Variants in IGF2BP2 observed in about 807,000 individuals in gnomAD.
IGF2BP2 encodes the protein insulin-like growth factor 2 mRNA-binding protein 2.
IGF2BP2 carries 17 observed loss-of-function variants against 75.8 expected under a neutral mutation model. The observed-to-expected ratio is 0.22, with a 90% CI of 0.15 to 0.34. The LOEUF (loss-of-function observed/expected upper bound fraction) is 0.34, where lower values mean the gene tolerates loss of function less well. IGF2BP2 is among the 10% of genes least tolerant of loss of function. The pLI, the probability that IGF2BP2 is intolerant of heterozygous loss-of-function variation, is 1.00. For missense variants in IGF2BP2, 516 were observed against 772.4 expected (o/e 0.67, Z 3.93); for synonymous variants, 288 against 295.6 (o/e 0.97, Z 0.26).
intron 2 of IGF2BP2, among the ~76,000 whole-genome samples, chr3:185,731,185 G>A (rs1024172261): frequency 1.3e-5 from 2 of 151,414 alleles, no homozygotes; most frequent in Non-Finnish European, 1.5e-5. Context: ...AATCACTGCT[G>A]TACAGAATGG....
At chr3:185,730,884 T>TGTTGGG (rs1728073915) in intron 2 of IGF2BP2, among the ~76,000 whole-genome samples, 2 of 152,194 alleles carry the variant, frequency 1.3e-5, no homozygotes, top group Admixed American at 1.3e-4. Context: ...CCCCAACATC[T>TGTTGGG]GTTGTTTTTT....
intron 10 of IGF2BP2, among the ~76,000 whole-genome samples, chr3:185,660,650 CAA>C (rs2149118094): frequency 6.6e-6 from 1 of 152,262 alleles, no homozygotes; most frequent in Non-Finnish European, 1.5e-5. Flanking sequence ...TTGGCAAGCT[CAA>C]GTTTTGCAGG....
intron 12 of IGF2BP2, among the ~76,000 whole-genome samples, chr3:185,653,893 G>A (rs1015552404): frequency 5.9e-5 from 9 of 152,154 alleles, no homozygotes; most frequent in Admixed American, 1.3e-4. Flanking sequence ...ATTTACCCTC[G>A]GTGTTGCATT....
At chr3:185,823,256 A>C in intron 1 of IGF2BP2, 43 bp from the exon 2 acceptor site, 70 of 1,508,318 alleles carry the variant, frequency 4.6e-5, no homozygotes, top group Non-Finnish European at 5.6e-5. Flanking sequence ...TGCTTAGATC[A>C]AGCCCGCGGG....
At chr3:185,702,837 C>T (rs1723501053) in intron 2 of IGF2BP2, among the ~76,000 whole-genome samples, 1 of 152,188 alleles carries the variant, frequency 6.6e-6, no homozygotes, top group African/African-American at 2.4e-5. Flanking sequence ...CCTCAGCTCA[C>T]CCTCAAACAG....
chr3:185,689,010 A>C, intron 6 of IGF2BP2: 1 of 193,094 alleles, frequency 5.2e-6, no homozygotes, highest in Non-Finnish European at 1.1e-5. Flanking sequence ...ACTCAGGGGA[A>C]GAGGAAGAGC....
At position 185,796,321 on chromosome 3, in the gene IGF2BP2, G is replaced by C. The variant is rs892593191; in HGVS notation, c.239+26832C>G. 5.9e-5 allele frequency among the ~76,000 whole-genome samples: 9 copies of C among 152,090 alleles called. No individual in the cohort carries two copies. In the East Asian group the frequency reaches 1.7e-3, roughly 29 times the overall value. ...CTCACGCCTGTAATCCCAGTACTTTGGGAGGACGAGGAGGGCGGATCACTT... is the reference window on the plus strand; with the variant it reads ...CTCACGCCTGTAATCCCAGTACTTTCGGAGGACGAGGAGGGCGGATCACTT... On this transcript the variant is annotated intron_variant, in intron 2 of 15. Coordinates refer to ENST00000382199, the MANE Select transcript of IGF2BP2 (RefSeq NM_006548.6).
In IGF2BP2 at chr3:185,645,630, C is replaced by G. The variant is rs1199891239; in HGVS notation, c.1708-7G>C. 6.2e-7 allele frequency: 1 copy of G among 1,612,284 alleles called. No homozygotes were observed. Among genetic ancestry groups the G allele is most frequent in the South Asian group, 1.1e-5 (1 of 91,026 alleles). On this transcript the variant is annotated splice_region_variant and splice_polypyrimidine_tract_variant and intron_variant, in intron 15 of 15. Coordinates refer to ENST00000382199, the MANE Select transcript of IGF2BP2 (RefSeq NM_006548.6). This position sits in a 1 kb window ranked among gnomAD's most constrained non-coding sequence, Gnocchi z 4.9. The stretch of plus-strand genomic sequence containing the variant: ...TGATCTTGCGCTGTGCAGTCTGCAG[C>G]AAGGGAGAGAAGGGAGAGGAAGGGA...
At chr3:185,722,050 C>T in intron 2 of IGF2BP2, 1 of 279,568 alleles carries the variant, frequency 3.6e-6, no homozygotes, top group Admixed American at 5.0e-5. Context: ...ACGGGATCTT[C>T]CTGCCTTAGT....
chr3:185,770,125 T>G (rs977721213), intron 2 of IGF2BP2, among the ~76,000 whole-genome samples: 10 of 152,110 alleles, frequency 6.6e-5, no homozygotes, highest in Non-Finnish European at 1.2e-4. Flanking sequence ...GAAGCAGAAC[T>G]GGGGGATGGT....
In IGF2BP2 at chr3:185,772,579, T is replaced by C. The variant is rs867229254; in HGVS notation, c.239+50574A>G. Among the ~76,000 whole-genome samples, 48 of 103,390 alleles carry C rather than the reference T, an allele frequency of 4.6e-4. 1 individual carries two copies. Among genetic ancestry groups the C allele is most frequent in the Non-Finnish European group, 7.0e-4 (38 of 54,208 alleles). 67.8% of individuals were successfully genotyped at this position (103,390 alleles called of 152,430 possible). ...ACTCCTTTTCTTCCCTTCTCTCTCTTTTTTTTTTTTTTTTTTTTTTGAGAC... is the reference window on the plus strand; with the variant it reads ...ACTCCTTTTCTTCCCTTCTCTCTCTCTTTTTTTTTTTTTTTTTTTTGAGAC... On this transcript the variant is annotated intron_variant, in intron 2 of 15. Transcript: ENST00000382199.
intron 5 of IGF2BP2, 63 bp from the exon 6 acceptor site, chr3:185,689,690 C>T (rs1184695080): frequency 4.1e-5 from 65 of 1,602,380 alleles, no homozygotes; most frequent in Non-Finnish European, 5.4e-5. Flanking sequence ...CCCTCCCGGC[C>T]GGGCGCGGTG....
intron 2 of IGF2BP2, among the ~76,000 whole-genome samples, chr3:185,764,015 G>A (rs1732729193): frequency 6.6e-6 from 1 of 152,144 alleles, no homozygotes; most frequent in East Asian, 1.9e-4. Context: ...CAGAAGGATT[G>A]TAGCAGTATT....
chr3:185,768,801 G>A (rs1439758615), intron 2 of IGF2BP2, among the ~76,000 whole-genome samples: 1 of 152,228 alleles, frequency 6.6e-6, no homozygotes, highest in African/African-American at 2.4e-5. Flanking sequence ...GGAGGCTGAG[G>A]CGGGTGGATC....
At chr3:185,690,849 G>A (rs1206586497) in intron 5 of IGF2BP2, among the ~76,000 whole-genome samples, 3 of 152,130 alleles carry the variant, frequency 2.0e-5, no homozygotes, top group Non-Finnish European at 4.4e-5. Context: ...AATGACACAC[G>A]AAATACACTA....
chr3:185,765,316 T>C (rs2149714291), intron 2 of IGF2BP2, among the ~76,000 whole-genome samples: 1 of 152,310 alleles, frequency 6.6e-6, no homozygotes, highest in Non-Finnish European at 1.5e-5. Flanking sequence ...TTTCTTTCAA[T>C]CAGTAAACCT....
intron 2 of IGF2BP2, among the ~76,000 whole-genome samples, chr3:185,745,405 G>A (rs1730124562): frequency 1.3e-5 from 2 of 152,110 alleles, no homozygotes; most frequent in South Asian, 4.1e-4. Flanking sequence ...AGAGTTGCAG[G>A]GTTCGAGGTT....
At chr3:185,656,660 CA>C (rs1271192115) in intron 12 of IGF2BP2, among the ~76,000 whole-genome samples, 1 of 152,210 alleles carries the variant, frequency 6.6e-6, no homozygotes, top group Non-Finnish European at 1.5e-5. Context: ...GGAGCAGGAC[CA>C]GGGGCAAATA....
At chr3:185,692,578 T>C (rs1722084588) in intron 5 of IGF2BP2, 121 bp downstream of exon 5, 1 of 824,116 alleles carries the variant, frequency 1.2e-6, no homozygotes, top group African/African-American at 1.7e-5. Context: ...ATGTCAAAGG[T>C]GGCACATATC....
Sources: gnomAD v4.1 joint callset for allele counts (sites outside exome capture counted in the v4.1 genomes callset) on GRCh38, gnomAD v4.1.1 for gene constraint, Gnocchi (gnomAD v3.1) non-coding constraint, MANE v1.5 for transcripts, NCBI Gene and HGNC (gene_info 2026-07-23, HGNC 2026-07-21) for gene names.